Variants in MYO1E observed in about 807,000 individuals in gnomAD.
MYO1E encodes the protein myosin IE.
Under a neutral mutation model 151.1 loss-of-function variants are expected in MYO1E, and 68 were observed. That is an observed-to-expected ratio of 0.45 (90% CI 0.37 to 0.55). MYO1E has a LOEUF of 0.55. Ranked by LOEUF, MYO1E falls within the 20% of genes least tolerant of loss-of-function variation. MYO1E has a pLI of 0.00. For missense variants in MYO1E, 1,363 were observed against 1,389.3 expected (o/e 0.98, Z 0.30); for synonymous variants, 601 against 501.7 (o/e 1.20, Z -2.64).
At chr15:59,307,447 C>A (rs28522111) in intron 1 of MYO1E, among the ~76,000 whole-genome samples, 2 of 152,182 alleles carry the variant, frequency 1.3e-5, no homozygotes, top group African/African-American at 4.8e-5. Flanking sequence ...AGAGCAAGAA[C>A]CAGATTCTGT....
At chr15:59,148,839 T>C (rs977741590) in intron 26 of MYO1E, among the ~76,000 whole-genome samples, 6 of 152,166 alleles carry the variant, frequency 3.9e-5, no homozygotes, top group African/African-American at 7.2e-5. Context: ...GATTAATCTC[T>C]GGAGTATCTT....
chr15:59,226,605 G>C (rs1381279359), intron 7 of MYO1E, among the ~76,000 whole-genome samples: 1 of 152,176 alleles, frequency 6.6e-6, no homozygotes, highest in Admixed American at 6.5e-5. Context: ...CCGAGAGTTA[G>C]AGACCAACCT....
chr15:59,278,372 G>A (rs1486287839), intron 1 of MYO1E, among the ~76,000 whole-genome samples: 1 of 152,122 alleles, frequency 6.6e-6, no homozygotes, highest in African/African-American at 2.4e-5. Flanking sequence ...GTTTTGTAAT[G>A]GGATTTTTCT....
chr15:59,285,409 G>A (rs2080381649), intron 1 of MYO1E, among the ~76,000 whole-genome samples: 1 of 141,726 alleles, frequency 7.1e-6, no homozygotes, highest in African/African-American at 2.6e-5. Flanking sequence ...CCAGGCTGGA[G>A]TGCAGTGGCA....
Position 59,133,356 on chromosome 15 carries a change from AG to A in MYO1E, c.*4023del, listed in dbSNP as rs2079355077. On this transcript the variant is annotated 3_prime_UTR_variant, in exon 28 of 28. Coordinates refer to ENST00000288235, the MANE Select transcript of MYO1E (RefSeq NM_004998.4). The stretch of plus-strand genomic sequence containing the variant: ...CACTGTTCTCTAGTCTGGGTGACAA[AG>A]TGAGGTGCTGTCTGAAAATAAAAAC... 1 of 152,086 alleles carries A rather than the reference AG, an allele frequency of 6.6e-6. No homozygotes were observed. The highest frequency in any genetic ancestry group is 1.5e-5 in the Non-Finnish European group (1 of 68,034). 9.4% of individuals were successfully genotyped at this position (152,086 alleles called of 1,614,324 possible).
rs754458661 is a variant in MYO1E at position 59,210,467 on chromosome 15, A to C, written c.1362+47T>G. The C allele has an allele frequency of 1.3e-5, 17 of 1,274,630 alleles. No homozygotes were observed. The South Asian group carries it at 1.5e-4, about 12-fold the overall frequency. 79.0% of individuals were successfully genotyped at this position (1,274,630 alleles called of 1,614,324 possible). On this transcript the variant is annotated intron_variant, in intron 13 of 27. Coordinates refer to ENST00000288235, the MANE Select transcript of MYO1E (RefSeq NM_004998.4). The stretch of plus-strand genomic sequence containing the variant: ...TGACACAGAGAATAAAAACTCACTT[A>C]ATGTAAACCTGTGAGCAGTGAAAAG...
intron 4 of MYO1E, among the ~76,000 whole-genome samples, chr15:59,239,545 T>C (rs1596380382): frequency 6.6e-6 from 1 of 152,094 alleles, no homozygotes; most frequent in African/African-American, 2.4e-5. Flanking sequence ...CCAGTAATCC[T>C]CCCACTGTGT....
At chr15:59,152,049 C>T (rs150222283) in intron 26 of MYO1E, among the ~76,000 whole-genome samples, 3,868 of 151,182 alleles carry the variant, frequency 0.026, 64 homozygotes, top group African/African-American at 0.046. Context: ...GCCTGGCAAC[C>T]GAGTGAGACT....
At chr15:59,301,293 C>T (rs1188740278) in intron 1 of MYO1E, among the ~76,000 whole-genome samples, 2 of 152,212 alleles carry the variant, frequency 1.3e-5, no homozygotes, top group African/African-American at 4.8e-5. Flanking sequence ...TGTATCTTTA[C>T]ATCTGAGCAT....
At chr15:59,315,549 T>TAA (rs201744878) in intron 1 of MYO1E, among the ~76,000 whole-genome samples, 132 of 128,838 alleles carry the variant, frequency 1.0e-3, no homozygotes, top group African/African-American at 3.1e-3. Flanking sequence ...AACTAAAAAT[T>TAA]AAAAAAAAAA....
intron 14 of MYO1E, chr15:59,206,762 G>A: frequency 1.6e-6 from 1 of 613,656 alleles, no homozygotes; most frequent in East Asian, 2.8e-5. Flanking sequence ...GAGCACCCAC[G>A]GAAAGCACGT....
At chr15:59,343,054 ACT>A (rs2080774638) in intron 1 of MYO1E, among the ~76,000 whole-genome samples, 1 of 152,122 alleles carries the variant, frequency 6.6e-6, no homozygotes, top group African/African-American at 2.4e-5. Flanking sequence ...CTACTATTAT[ACT>A]GTTATAATAT....
rs1207381160 is a variant in MYO1E at position 59,135,940 on chromosome 15, G to T, written c.*1440C>A. On this transcript the variant is annotated 3_prime_UTR_variant, in exon 28 of 28. Coordinates refer to ENST00000288235, the MANE Select transcript of MYO1E (RefSeq NM_004998.4). ...GAAAACATTGTTTTAGTTTGTTAGGGCTGCCGTAACAAACTACCACAAACC... is the reference window on the plus strand; with the variant it reads ...GAAAACATTGTTTTAGTTTGTTAGGTCTGCCGTAACAAACTACCACAAACC... The T allele has an allele frequency of 1.3e-5, 2 of 152,134 alleles. No homozygotes were observed. The highest frequency in any genetic ancestry group is 2.9e-5 in the Non-Finnish European group (2 of 68,048). 9.4% of individuals were successfully genotyped at this position (152,134 alleles called of 1,614,324 possible). A position where few individuals can be genotyped will look rare whatever the true frequency, so the allele number is the denominator to read the frequency against.
intron 1 of MYO1E, among the ~76,000 whole-genome samples, chr15:59,342,305 T>G (rs1399143854): frequency 1.3e-5 from 2 of 151,938 alleles, no homozygotes; most frequent in Non-Finnish European, 2.9e-5. Flanking sequence ...TTTGCAAATA[T>G]TTTCTCCCAT....
At chr15:59,283,479 C>A (rs554343993) in intron 1 of MYO1E, among the ~76,000 whole-genome samples, 18 of 152,272 alleles carry the variant, frequency 1.2e-4, no homozygotes, top group African/African-American at 4.3e-4. Flanking sequence ...GTGCCTGGCT[C>A]CCTGATTAAA....
chr15:59,220,463 A>G (rs933891496), intron 9 of MYO1E, among the ~76,000 whole-genome samples: 1 of 152,202 alleles, frequency 6.6e-6, no homozygotes, highest in Non-Finnish European at 1.5e-5. Flanking sequence ...CAAAAACAAA[A>G]AACAAAATAA....
chr15:59,301,290 T>G (rs2080481162), intron 1 of MYO1E, among the ~76,000 whole-genome samples: 1 of 152,222 alleles, frequency 6.6e-6, no homozygotes, highest in African/African-American at 2.4e-5. Flanking sequence ...GAATGTATCT[T>G]TACATCTGAG....
intron 3 of MYO1E, among the ~76,000 whole-genome samples, chr15:59,258,074 C>G (rs1488816409): frequency 1.3e-5 from 2 of 152,088 alleles, no homozygotes; most frequent in East Asian, 3.9e-4. Context: ...TGAGGGCTGG[C>G]CCTGGCTCAG....
intron 1 of MYO1E, among the ~76,000 whole-genome samples, chr15:59,297,990 C>T (rs1321403669): frequency 6.6e-6 from 1 of 152,158 alleles, no homozygotes; most frequent in Non-Finnish European, 1.5e-5. Context: ...ACATTTTTGA[C>T]TAGAATTCTA....
Sources: gnomAD v4.1 joint callset for allele counts (sites outside exome capture counted in the v4.1 genomes callset) on GRCh38, gnomAD v4.1.1 for gene constraint, MANE v1.5 for transcripts, NCBI Gene and HGNC (gene_info 2026-07-23, HGNC 2026-07-21) for gene names.